PLXNA1: variants seen among roughly 807,000 people sequenced by gnomAD.
PLXNA1 encodes plexin A1.
In PLXNA1, 77 loss-of-function variants were observed where a neutral mutation model predicts 191.7. The ratio of observed to expected loss-of-function variants is 0.40; its 90% confidence interval spans 0.33 to 0.49. The LOEUF (loss-of-function observed/expected upper bound fraction) is 0.49. PLXNA1 is among the 20% of genes least tolerant of loss of function. The pLI is 0.63. For missense variants in PLXNA1, 2,110 were observed against 2,660.2 expected, an observed-to-expected ratio of 0.79 and a Z score of 4.55; for synonymous variants, 1,137 against 1,156.4, an observed-to-expected ratio of 0.98 and a Z score of 0.34.
In PLXNA1 at chr3:126,989,448, CTG is replaced by C. The variant is rs761471660; in HGVS notation, c.860_861del (p.Val287GlyfsTer10). 6.2e-7 allele frequency: 1 copy of C among 1,613,648 alleles called. No individual in the cohort carries two copies. The highest frequency in any genetic ancestry group is 8.5e-7 in the Non-Finnish European group (1 of 1,180,038). Reference sequence around the variant, plus strand: ...TCTTCACGTCCAAGATCGTGCGGCTCTGTGTGGACGACCCCAAATTCTACTCG... The same window carrying C: ...TCTTCACGTCCAAGATCGTGCGGCTCTGTGGACGACCCCAAATTCTACTCG... ...HFFTSKIVRL[C>X]VDDPKFYSYV... On this transcript the variant is annotated frameshift_variant, in exon 2 of 32. Transcript: ENST00000393409. LOFTEE classifies it high-confidence loss of function.
rs544975375 is a variant in PLXNA1 at position 127,035,530 on chromosome 3, C to T, written c.*1513C>T. The stretch of plus-strand genomic sequence containing the variant: ...GCACCACGGGGCATGCATGATTGTG[C>T]TAGCGTTTAGTCTGAGTTGATCTTT... On this transcript the variant is annotated 3_prime_UTR_variant, in exon 32 of 32. Coordinates refer to ENST00000393409, the MANE Select transcript of PLXNA1 (RefSeq NM_032242.4). 2.6e-5 allele frequency: 4 copies of T among 152,732 alleles called. No homozygotes were observed. In the South Asian group the frequency reaches 8.3e-4, roughly 32 times the overall value. The allele number at this position is 152,732 out of a possible 1,614,324, so 9.5% of individuals were successfully genotyped here.
rs926542768 is a variant in PLXNA1, at chr3:127,000,113, C to A, written c.1378-3217C>A. 2.1e-5 allele frequency among the ~76,000 whole-genome samples: 3 copies of A among 144,882 alleles called. No individual in the cohort carries two copies. In the East Asian group the frequency reaches 6.2e-4, roughly 30 times the overall value. On this transcript the variant is annotated intron_variant, in intron 3 of 31. Coordinates refer to ENST00000393409, the MANE Select transcript of PLXNA1 (RefSeq NM_032242.4). Reference sequence around the variant, plus strand: ...GGGGAGGGTCCTCTCAAGCAGGGGGCGGCATGCATGGGCAGCGCCAGCTCC... The same window carrying A: ...GGGGAGGGTCCTCTCAAGCAGGGGGAGGCATGCATGGGCAGCGCCAGCTCC...
In PLXNA1 at chr3:127,022,315, G is replaced by A; in HGVS notation, c.4269G>A (p.Lys1423=). ...TCATCGAGAAGAACCTGGAGAGCAAGAACCACCCCAAGCTGCTACTGCGCC... is the reference window on the plus strand; with the variant it reads ...TCATCGAGAAGAACCTGGAGAGCAAAAACCACCCCAAGCTGCTACTGCGCC... ...SDLIEKNLES[K]NHPKLLLRRT... The change falls in exon 22 of 32, where the codon AAG becomes AAA. Residue 1423 remains lysine (K), a synonymous_variant. Coordinates refer to ENST00000393409, the MANE Select transcript of PLXNA1 (RefSeq NM_032242.4). 1.2e-6 allele frequency: 2 copies of A among 1,612,288 alleles called. No homozygotes were observed. The highest frequency in any genetic ancestry group is 1.7e-6 in the Non-Finnish European group (2 of 1,178,918).
rs1353308196 is a variant in PLXNA1, at chr3:127,018,515, C to T, written c.3882C>T (p.Leu1294=). 15 of 1,608,662 alleles carry T rather than the reference C, an allele frequency of 9.3e-6. No homozygotes were observed. Among genetic ancestry groups the T allele is most frequent in the Middle Eastern group, 1.6e-4 (1 of 6,064 alleles). The part of the protein sequence containing the change: ...QMDNLESRVA[L]ECKEAFAELQ... Reference sequence around the variant, plus strand: ...ACAACCTGGAGTCCCGCGTGGCCCTCGAATGCAAGGAAGGTCTGTTGGGGC... The same window carrying T: ...ACAACCTGGAGTCCCGCGTGGCCCTTGAATGCAAGGAAGGTCTGTTGGGGC... The change falls in exon 20 of 32, where the codon CTC becomes CTT. Residue 1294 remains leucine (L), a synonymous_variant. Transcript: ENST00000393409.
intron 16 of PLXNA1, 71 bp from the exon 17 acceptor site, chr3:127,016,873 T>C: frequency 6.9e-7 from 1 of 1,455,438 alleles, no homozygotes; most frequent in Non-Finnish European, 9.5e-7. Flanking sequence ...CTGGCTGAGC[T>C]GTGGCCCACG....
chr3:127,009,616 C>G (rs1463604917), intron 9 of PLXNA1, among the ~76,000 whole-genome samples: 1 of 151,430 alleles, frequency 6.6e-6, no homozygotes, highest in African/African-American at 2.4e-5. Context: ...CGGGCCACCC[C>G]CTGAGACAGG....
chr3:127,001,092 C>T (rs776294119), intron 3 of PLXNA1, among the ~76,000 whole-genome samples: 9 of 152,104 alleles, frequency 5.9e-5, no homozygotes, highest in Non-Finnish European at 1.0e-4. Context: ...TGGAGCGGGG[C>T]GTTCTGGAGC....
intron 1 of PLXNA1, among the ~76,000 whole-genome samples, chr3:126,987,794 T>G (rs903128016): frequency 7.0e-6 from 1 of 143,508 alleles, no homozygotes; most frequent in Admixed American, 6.8e-5. Flanking sequence ...TCGGCTGGGG[T>G]GGGGATGTGG....
chr3:127,025,600 C>T (rs1399446483), intron 23 of PLXNA1, among the ~76,000 whole-genome samples: 1 of 152,220 alleles, frequency 6.6e-6, no homozygotes, highest in African/African-American at 2.4e-5. Context: ...TGAACACCCA[C>T]TCCTTGTTCC....
At chr3:126,984,628 G>A (rs2078948255) in intron 1 of PLXNA1, among the ~76,000 whole-genome samples, 1 of 150,704 alleles carries the variant, frequency 6.6e-6, no homozygotes, top group Non-Finnish European at 1.5e-5. Flanking sequence ...CCTGGGGGGT[G>A]CCAGTGGGGC....
Position 127,012,167 on chromosome 3 carries a change from G to A in PLXNA1, c.2313+9G>A. ...AGTGCCAGAATTCCTCGGTGAGGTG[G>A]CCAGGGCAGGGGCTGGGGGCCGTGA... On this transcript the variant is annotated intron_variant, in intron 10 of 31. Transcript: ENST00000393409. 1 of 1,609,104 alleles carries A rather than the reference G, an allele frequency of 6.2e-7. No homozygotes were observed. The highest frequency in any genetic ancestry group is 8.5e-7 in the Non-Finnish European group (1 of 1,178,100).
intron 1 of PLXNA1, among the ~76,000 whole-genome samples, chr3:126,985,539 C>G (rs1434466710): frequency 6.6e-6 from 1 of 152,060 alleles, no homozygotes; most frequent in African/African-American, 2.4e-5. Context: ...CACCAGCTCC[C>G]AGGCTACCTG....
intron 23 of PLXNA1, among the ~76,000 whole-genome samples, chr3:127,023,318 G>A (rs1448163614): frequency 1.3e-5 from 2 of 152,268 alleles, no homozygotes; most frequent in Non-Finnish European, 2.9e-5. Context: ...GCCCAGGCTG[G>A]ATGGGGATCT....
intron 3 of PLXNA1, among the ~76,000 whole-genome samples, chr3:126,998,172 C>T (rs1376278895): frequency 2.6e-5 from 4 of 152,142 alleles, no homozygotes; most frequent in Admixed American, 2.6e-4. Context: ...GCGTACTGTG[C>T]CTTTTGGGGT....
chr3:127,017,125 GCCCCTA>G, intron 17 of PLXNA1, 88 bp downstream of exon 17: 1 of 1,245,182 alleles, frequency 8.0e-7, no homozygotes, highest in Non-Finnish European at 1.1e-6. Flanking sequence ...CCCTGCCCCT[GCCCCTA>G]CCCCTGCCCC....
At chr3:127,007,359 G>A (rs1269326092) in intron 8 of PLXNA1, among the ~76,000 whole-genome samples, 9 of 152,230 alleles carry the variant, frequency 5.9e-5, no homozygotes, top group Non-Finnish European at 2.9e-5. Context: ...GATGTGCATG[G>A]CCCTGTCCAG....
chr3:126,994,843 C>T (rs2107622709), intron 3 of PLXNA1, among the ~76,000 whole-genome samples: 1 of 152,204 alleles, frequency 6.6e-6, no homozygotes, highest in East Asian at 1.9e-4. Flanking sequence ...AGAGGCCGGG[C>T]CCCGGGGCTC....
intron 31 of PLXNA1, among the ~76,000 whole-genome samples, chr3:127,033,093 C>T (rs1463883750): frequency 1.3e-5 from 2 of 152,220 alleles, no homozygotes; most frequent in East Asian, 3.8e-4. Flanking sequence ...ATGGCAGCTT[C>T]TTCCTGAGGC....
intron 8 of PLXNA1, 59 bp downstream of exon 8, chr3:127,006,237 C>A: frequency 7.7e-7 from 1 of 1,293,286 alleles, no homozygotes; most frequent in South Asian, 1.2e-5. Context: ...CCACTCCCGT[C>A]CCTGTGGTCC....
Sources: gnomAD v4.1 joint callset for allele counts (sites outside exome capture counted in the v4.1 genomes callset) on GRCh38, gnomAD v4.1.1 for gene constraint, MANE v1.5 for transcripts, NCBI Gene and HGNC (gene_info 2026-07-23, HGNC 2026-07-21) for gene names.